Variants in SIGLEC5 observed in about 807,000 individuals in gnomAD.
SIGLEC5 encodes the protein sialic acid binding Ig like lectin 5.
In SIGLEC5, 34 loss-of-function variants were observed where a neutral mutation model predicts 45.9. The observed-to-expected ratio is 0.74, with a 90% CI of 0.56 to 0.99. SIGLEC5 has a LOEUF of 0.99. SIGLEC5 is among the 50% of genes least tolerant of loss of function. The pLI is 0.00. For missense variants in SIGLEC5, 508 were observed against 629.6 expected (o/e 0.81, Z 2.07); for synonymous variants, 203 against 258.6 (o/e 0.79, Z 2.06).
chr19:51,624,898 AG>A, intron 8 of SIGLEC5, among the ~76,000 whole-genome samples: 1 of 152,276 alleles, frequency 6.6e-6, no homozygotes, highest in African/African-American at 2.4e-5. Flanking sequence ...TGGGAGGCAG[AG>A]GTTGCAGTGA....
rs139056611 is a variant in SIGLEC5, at chr19:51,626,037, T to G, written c.1459A>C (p.Thr487Pro). 1,913 of 1,613,388 alleles carry G rather than the reference T, an allele frequency of 1.2e-3. 23 individuals are homozygous for G. The African/African-American group carries it at 0.023, about 19-fold the overall frequency. The change falls in exon 8 of 9, where the codon ACC becomes CCC. Residue 487 changes from threonine (T) to proline (P), a missense_variant. Physicochemically the swap from Thr to Pro is conservative, Grantham distance 38. Coordinates refer to ENST00000683636, the MANE Select transcript of SIGLEC5 (RefSeq NM_003830.4). ...DDEDPIMGTITSGSRKKPWPD... is the reference protein window; with the variant it reads ...DDEDPIMGTIPSGSRKKPWPD... Reference sequence around the variant, plus strand: ...AAGATCCCCAAACCACTCACCGAGGTGATGGTACCCATAATGGGGTCTTCA... The same window carrying G: ...AAGATCCCCAAACCACTCACCGAGGGGATGGTACCCATAATGGGGTCTTCA...
intron 8 of SIGLEC5, among the ~76,000 whole-genome samples, chr19:51,625,236 G>A (rs892444093): frequency 4.6e-5 from 7 of 152,212 alleles, no homozygotes; most frequent in Admixed American, 1.3e-4. Context: ...CAGCAGGTCC[G>A]TATGGAGACA....
chr19:51,622,100 TTTTTG>T (rs887968433), intron 8 of SIGLEC5, among the ~76,000 whole-genome samples: 3 of 151,900 alleles, frequency 2.0e-5, no homozygotes, highest in Non-Finnish European at 4.4e-5. Context: ...ACCTGATTCT[TTTTTG>T]TTTTGTTTTG....
intron 8 of SIGLEC5, among the ~76,000 whole-genome samples, chr19:51,616,848 T>C (rs1286798775): frequency 7.6e-6 from 1 of 130,818 alleles, no homozygotes; most frequent in Non-Finnish European, 1.5e-5. Flanking sequence ...GAGGCAGAGA[T>C]TGCAGTGAGC....
intron 4 of SIGLEC5, among the ~76,000 whole-genome samples, 191 bp downstream of exon 4, chr19:51,628,831 GTGTGTGCGTGTGTGCA>G (rs1204826893): frequency 1.3e-5 from 2 of 148,710 alleles, no homozygotes; most frequent in East Asian, 2.0e-4. Context: ...GTGTGCGTGT[GTGTGTGCGTGTGTGCA>G]TGTGTGCGTG....
rs754783125 is a variant in SIGLEC5 at position 51,626,134 on chromosome 19, A to G, written c.1383-21T>C. ...TCACTCTAAGGAAAGAAACCAGCAC[A>G]GTGCAGCTGGGACCACCCAGGCACG... On this transcript the variant is annotated intron_variant, in intron 7 of 8. Transcript: ENST00000683636. 6 of 1,606,832 alleles carry G rather than the reference A, an allele frequency of 3.7e-6. No individual in the cohort carries two copies. In the South Asian group the frequency reaches 6.6e-5, roughly 18 times the overall value.
intron 8 of SIGLEC5, among the ~76,000 whole-genome samples, chr19:51,621,983 TAGAG>T (rs1209709107): frequency 1.3e-5 from 2 of 152,176 alleles, no homozygotes; most frequent in African/African-American, 4.8e-5. Flanking sequence ...TTTAAAGGAA[TAGAG>T]AGAGAAAGAC....
chr19:51,612,371 G>A lies in SIGLEC5; in HGVS notation c.1516C>T (p.Pro506Ser), dbSNP rs1323363673. ...TCTTCCAAGGGAGGGGCATCCCCAG[G>A]AGGAGATGCTTGATCTCCGGGGCTG... ...PDSPGDQASP[P>S]GDAPPLEEQK... is the part of the protein sequence containing the mutation. The change falls in exon 9 of 9, where the codon CCT becomes TCT. Residue 506 changes from proline to serine, a missense_variant. By Grantham distance (74) the Pro-to-Ser change is moderately conservative. Transcript: ENST00000683636. 2 of 1,613,196 alleles carry A rather than the reference G, an allele frequency of 1.2e-6. No individual in the cohort carries two copies. The highest frequency in any genetic ancestry group is 2.7e-5 in the African/African-American group (2 of 74,882).
chr19:51,620,162 G>A (rs1337416657), intron 8 of SIGLEC5, among the ~76,000 whole-genome samples: 2 of 151,908 alleles, frequency 1.3e-5, no homozygotes, highest in Admixed American at 6.6e-5. Flanking sequence ...ACATAGTGAC[G>A]CCACCAGGCC....
intron 8 of SIGLEC5, among the ~76,000 whole-genome samples, chr19:51,624,680 A>G (rs1397006563): frequency 2.6e-5 from 4 of 152,122 alleles, no homozygotes; most frequent in Admixed American, 6.5e-5. Flanking sequence ...AGAATTCCAC[A>G]GATATTGGCC....
intron 8 of SIGLEC5, among the ~76,000 whole-genome samples, chr19:51,616,925 A>AC (rs1357370569): frequency 4.7e-5 from 7 of 147,400 alleles, no homozygotes; most frequent in African/African-American, 1.7e-4. Context: ...AAAACAAAAA[A>AC]AAAAAACACT....
At chr19:51,615,948 G>T (rs1344607594) in intron 8 of SIGLEC5, among the ~76,000 whole-genome samples, 1 of 152,166 alleles carries the variant, frequency 6.6e-6, no homozygotes, top group Non-Finnish European at 1.5e-5. Context: ...GGCTAATTTT[G>T]TATTTTTAGT....
chr19:51,629,326 G>C (rs1156876128), intron 3 of SIGLEC5, 32 bp downstream of exon 3: 3 of 1,610,932 alleles, frequency 1.9e-6, no homozygotes, highest in Admixed American at 3.3e-5. Context: ...CACTGCCCTT[G>C]AGGACTCAGC....
At chr19:51,625,898 G>C in intron 8 of SIGLEC5, 134 bp downstream of exon 8, 1 of 686,888 alleles carries the variant, frequency 1.5e-6, no homozygotes, top group Non-Finnish European at 2.6e-6. Context: ...CTGGCTCTGG[G>C]ATATGAAGGG....
At chr19:51,629,115 G>C in intron 3 of SIGLEC5, 39 bp from the exon 4 acceptor site, 1 of 1,607,886 alleles carries the variant, frequency 6.2e-7, no homozygotes, top group Non-Finnish European at 8.5e-7. Context: ...CAGCAGTGAG[G>C]AGTGAGATGG....
chr19:51,617,254 TA>T (rs34056987), intron 8 of SIGLEC5, among the ~76,000 whole-genome samples: 3,361 of 130,278 alleles, frequency 0.026, 47 homozygotes, highest in Non-Finnish European at 0.036. Flanking sequence ...GACTCCACCT[TA>T]AAAAAAAAAA....
At position 51,615,775 on chromosome 19, in the gene SIGLEC5, C is replaced by T. The variant is rs145508045; in HGVS notation, c.1465-3353G>A. ...AGGGGATCCACCCTGGGGCTTGTCC[C>T]AGTCATTTCTCTTTTTTTGAGACGA... is the stretch of plus-strand genomic sequence containing the variant. On this transcript the variant is annotated intron_variant, in intron 8 of 8. Coordinates refer to ENST00000683636, the MANE Select transcript of SIGLEC5 (RefSeq NM_003830.4). 3.3e-5 allele frequency among the ~76,000 whole-genome samples: 5 copies of T among 152,266 alleles called. No homozygotes were observed. In the East Asian group the frequency reaches 9.7e-4, roughly 29 times the overall value.
At chr19:51,613,269 G>T (rs1286100455) in intron 8 of SIGLEC5, among the ~76,000 whole-genome samples, 2 of 152,180 alleles carry the variant, frequency 1.3e-5, no homozygotes, top group Admixed American at 6.5e-5. Flanking sequence ...AAGTCACACT[G>T]TGAACATGAT....
In SIGLEC5 at chr19:51,627,906, C is replaced by T. The variant is rs1304325671; in HGVS notation, c.925G>A (p.Glu309Lys). Residue 309 changes from glutamate (E) to lysine (K), a missense_variant, in exon 5 of 9, where the codon GAA (glutamate) becomes AAA (lysine). Coordinates refer to ENST00000683636, the MANE Select transcript of SIGLEC5 (RefSeq NM_003830.4). ...TGAGCGCGGCAGGTGAAGCCTCCTT[C>T]TTCTGCAGACCTTACTCGACGAAGC... ...LELRRVRSAE[E>K]GGFTCRAQHP... 3 of 1,613,972 alleles carry T rather than the reference C, an allele frequency of 1.9e-6. No homozygotes were observed. Among genetic ancestry groups the T allele is most frequent in the African/African-American group, 1.3e-5 (1 of 74,924 alleles).
Sources: gnomAD v4.1 joint callset for allele counts (sites outside exome capture counted in the v4.1 genomes callset) on GRCh38, gnomAD v4.1.1 for gene constraint, MANE v1.5 for transcripts, NCBI Gene and HGNC (gene_info 2026-07-23, HGNC 2026-07-21) for gene names.